The following OGDH variants were observed in gnomAD, a reference collection of about 807,000 sequenced individuals.
OGDH encodes oxoglutarate dehydrogenase.
OGDH carries 38 observed loss-of-function variants against 116.6 expected under a neutral mutation model. The ratio of observed to expected loss-of-function variants is 0.33; its 90% CI spans 0.25 to 0.43. The LOEUF (loss-of-function observed/expected upper bound fraction) is 0.43, where lower values mean the gene tolerates loss of function less well. OGDH is among the 20% of genes least tolerant of loss of function. OGDH has a pLI of 1.00. For synonymous variants in OGDH, 488 were observed against 533.3 expected (o/e 0.92, Z 1.17); for missense variants, 825 against 1,357.2 (o/e 0.61, Z 6.16).
At chr7:44,675,883 A>G in intron 8 of OGDH, 87 bp from the exon 9 acceptor site, 1 of 1,480,508 alleles carries the variant, frequency 6.8e-7, no homozygotes, top group Non-Finnish European at 9.2e-7. Context: ...ATCTCAAAAA[A>G]AAAAAAAAAA....
chr7:44,682,476 T>C (rs554034290), intron 10 of OGDH, among the ~76,000 whole-genome samples: 9 of 151,644 alleles, frequency 5.9e-5, no homozygotes, highest in African/African-American at 1.7e-4. Context: ...GGTGGGCAGA[T>C]CACTTGAGGC....
At chr7:44,608,487 T>C (rs1252218434) in intron 1 of OGDH, among the ~76,000 whole-genome samples, 3 of 151,652 alleles carry the variant, frequency 2.0e-5, no homozygotes, top group African/African-American at 7.3e-5. Flanking sequence ...TCCCCTGAGG[T>C]TGGGAGTTTG....
chr7:44,606,982 T>C (rs375613142), intron 1 of OGDH, among the ~76,000 whole-genome samples: 1 of 151,898 alleles, frequency 6.6e-6, no homozygotes. Context: ...CGGCGGCGGA[T>C]GTGAGGGAGA....
At chr7:44,666,549 G>C (rs957083687) in intron 4 of OGDH, 187 bp from the exon 5 acceptor site, 1 of 362,556 alleles carries the variant, frequency 2.8e-6, no homozygotes, top group African/African-American at 2.1e-5. Context: ...TCTATTTATT[G>C]CTAAAGTTTG....
In OGDH at chr7:44,707,319, T is replaced by G; in HGVS notation, c.2727T>G (p.Tyr909Ter). 1.9e-6 allele frequency: 3 copies of G among 1,614,240 alleles called. No individual in the cohort carries two copies. Among genetic ancestry groups the G allele is most frequent in the Non-Finnish European group, 2.5e-6 (3 of 1,180,040 alleles). Residue 909 changes from tyrosine (Y) to a stop codon, truncating the protein, a stop_gained, in exon 21 of 23, where the codon TAT (tyrosine) becomes TAG (stop). Transcript: ENST00000222673. LOFTEE classifies it high-confidence loss of function. This position sits in a 1 kb window ranked among gnomAD's most constrained non-coding sequence, Gnocchi z 5.2. ...KRLLFCTGKV[Y>*]YDLTRERKAR... ...TTCTCTTCTGCACCGGCAAAGTGTA[T>G]TATGACCTCACCCGGGAGCGCAAAG...
intron 10 of OGDH, among the ~76,000 whole-genome samples, chr7:44,685,879 C>T (rs959981370): frequency 6.6e-6 from 1 of 152,172 alleles, no homozygotes; most frequent in African/African-American, 2.4e-5. Context: ...CCTCTGAGGC[C>T]TCTCAAAGTG....
Position 44,696,465 on chromosome 7 carries a change from C to T in OGDH, c.1808C>T (p.Ser603Phe). The T allele has an allele frequency of 6.2e-7, 1 of 1,614,222 alleles. No homozygotes were observed. ...FTLDGQPRSM[S>F]CPSTGLTEDI... is the part of the protein sequence containing the mutation. ...CTGGACGGGCAGCCCAGGAGCATGT[C>T]CTGCCCCTCCACGGGTCTGACGGAG... Residue 603 changes from serine to phenylalanine, a missense_variant, in exon 14 of 23, where the codon TCC becomes TTC. Ser to Phe is a radical substitution (Grantham distance 155). This residue lies in a region of OGDH where 92 missense variants were observed against 129.7 expected (regional missense o/e 0.71). Coordinates refer to ENST00000222673, the MANE Select transcript of OGDH (RefSeq NM_002541.4).
intron 2 of OGDH, among the ~76,000 whole-genome samples, chr7:44,640,196 A>T (rs1785866224): frequency 6.6e-6 from 1 of 152,142 alleles, no homozygotes; most frequent in Admixed American, 6.5e-5. Context: ...TCTCTTTGGC[A>T]AGGTTAAGCT....
At chr7:44,682,263 T>C (rs1188972481) in intron 10 of OGDH, among the ~76,000 whole-genome samples, 1 of 151,810 alleles carries the variant, frequency 6.6e-6, no homozygotes, top group Admixed American at 6.6e-5. Context: ...CACATGCCTG[T>C]GATCCCAGCT....
At chr7:44,675,866 A>C in intron 8 of OGDH, 104 bp from the exon 9 acceptor site, 2 of 1,231,628 alleles carry the variant, frequency 1.6e-6, no homozygotes, top group South Asian at 2.9e-5. Flanking sequence ...AACAAGAGCG[A>C]AACTCCATCT....
At chr7:44,696,343 TTC>T in intron 13 of OGDH, 84 bp from the exon 14 acceptor site, 1 of 1,515,494 alleles carries the variant, frequency 6.6e-7, no homozygotes, top group Non-Finnish European at 9.0e-7. Context: ...CTCACCCTGC[TTC>T]TCCCCAAAAT....
chr7:44,636,688 A>C (rs959228873), intron 2 of OGDH, among the ~76,000 whole-genome samples: 1 of 152,254 alleles, frequency 6.6e-6, no homozygotes, highest in Non-Finnish European at 1.5e-5. Context: ...AGGAAAGTGC[A>C]TTATGGTTGC....
intron 9 of OGDH, among the ~76,000 whole-genome samples, chr7:44,677,402 C>T (rs1787746508): frequency 6.6e-6 from 1 of 152,056 alleles, no homozygotes; most frequent in Admixed American, 6.5e-5. Flanking sequence ...AGTAGCAGAG[C>T]AGGTAGTTGT....
In OGDH at chr7:44,675,330, C is replaced by T. The variant is rs990014799; in HGVS notation, c.1026+62C>T. 4 of 1,343,746 alleles carry T rather than the reference C, an allele frequency of 3.0e-6. No homozygotes were observed. The African/African-American group carries it at 4.3e-5, about 15-fold the overall frequency. 83.2% of individuals were successfully genotyped at this position (1,343,746 alleles called of 1,614,324 possible). ...CCAACTTACACAAGACCCCTGGCTCCACTTCTTTCTTAGAATGACTTACGG... is the reference window on the plus strand; with the variant it reads ...CCAACTTACACAAGACCCCTGGCTCTACTTCTTTCTTAGAATGACTTACGG... On this transcript the variant is annotated intron_variant, in intron 8 of 22. Transcript: ENST00000222673.
intron 5 of OGDH, among the ~76,000 whole-genome samples, chr7:44,673,462 A>T (rs111333722): frequency 0.032 from 4,917 of 152,312 alleles, 274 homozygotes; most frequent in African/African-American, 0.11. Context: ...GGAAGGACCC[A>T]GTTCCACAAC....
chr7:44,645,624 T>C (rs1024519), intron 3 of OGDH, 106 bp downstream of exon 3: 169 of 1,047,686 alleles, frequency 1.6e-4, no homozygotes, highest in Non-Finnish European at 2.0e-4. Flanking sequence ...ACTTTACTTA[T>C]ACCTCCTCAA....
chr7:44,618,918 C>G (rs532632690), intron 1 of OGDH, among the ~76,000 whole-genome samples: 3 of 152,348 alleles, frequency 2.0e-5, no homozygotes, highest in Admixed American at 2.0e-4. Flanking sequence ...ACAGGCCTGG[C>G]TGGGTTTCCC....
intron 3 of OGDH, 152 bp from the exon 4 acceptor site, chr7:44,647,505 A>G (rs1786237536): frequency 1.3e-6 from 2 of 1,541,394 alleles, no homozygotes; most frequent in African/African-American, 2.7e-5. Flanking sequence ...AATTTTGATG[A>G]TGCTCCAGTA....
chr7:44,606,982 T>G lies in OGDH; in HGVS notation c.-28+329T>G, dbSNP rs375613142. On this transcript the variant is annotated intron_variant, in intron 1 of 22. Coordinates refer to ENST00000222673, the MANE Select transcript of OGDH (RefSeq NM_002541.4). ...AGCGGGGGGCGGGCGCGGCGGCGGA[T>G]GTGAGGGAGAGGGCGGTGCGTCCGC... 2.6e-4 allele frequency among the ~76,000 whole-genome samples: 40 copies of G among 152,016 alleles called. No individual in the cohort carries two copies. In the East Asian group the frequency reaches 5.8e-3, roughly 22 times the overall value.
Sources: allele counts gnomAD v4.1 joint callset (sites outside exome capture counted in the v4.1 genomes callset), GRCh38; gene constraint gnomAD v4.1.1; regional missense constraint gnomAD v4.1.1; non-coding constraint Gnocchi (gnomAD v3.1); transcripts MANE v1.5; gene names NCBI Gene and HGNC (gene_info 2026-07-23, HGNC 2026-07-21).